Variants in ZBTB20 observed in about 807,000 individuals in gnomAD.
The protein encoded by ZBTB20 is zinc finger and BTB domain-containing protein 20.
A neutral mutation model predicts 56.9 loss-of-function variants in ZBTB20; 9 were observed. The ratio of observed to expected loss-of-function variants is 0.16; its 90% CI spans 0.10 to 0.28. The LOEUF (loss-of-function observed/expected upper bound fraction) is 0.28, where lower values mean the gene tolerates loss of function less well. Among genes scored for constraint, ZBTB20 ranks in the 10% least tolerant of loss-of-function variants. ZBTB20 has a pLI of 1.00. For missense variants in ZBTB20, 655 were observed against 1,003.0 expected (o/e 0.65, Z 4.69); for synonymous variants, 417 against 420.7 (o/e 0.99, Z 0.11).
intron 5 of ZBTB20, among the ~76,000 whole-genome samples, chr3:114,796,373 A>T (rs2071344450): frequency 1.3e-5 from 2 of 152,010 alleles, no homozygotes. Context: ...GGTGACAATT[A>T]ACTAAGAAAT....
intron 1 of ZBTB20, among the ~76,000 whole-genome samples, chr3:115,146,737 G>A (rs1036176662): frequency 2.6e-5 from 4 of 152,204 alleles, no homozygotes; most frequent in Non-Finnish European, 2.9e-5. Context: ...GGGCGAGGAG[G>A]GAGGGGGCAG....
chr3:114,861,417 TA>T (rs1349554438), intron 4 of ZBTB20, among the ~76,000 whole-genome samples: 1 of 152,170 alleles, frequency 6.6e-6, no homozygotes, highest in Non-Finnish European at 1.5e-5. Flanking sequence ...AAATAATACT[TA>T]AAATTTAAAA....
intron 1 of ZBTB20, among the ~76,000 whole-genome samples, chr3:115,093,818 T>C (rs377461694): frequency 6.6e-5 from 10 of 152,184 alleles, no homozygotes; most frequent in Admixed American, 6.6e-4. Context: ...CTTTTTCTTC[T>C]ATGATCTTCT....
At chr3:114,517,659 C>T (rs2046164178) in intron 6 of ZBTB20, among the ~76,000 whole-genome samples, 1 of 151,914 alleles carries the variant, frequency 6.6e-6, no homozygotes, top group Non-Finnish European at 1.5e-5. Flanking sequence ...TCACTGCACC[C>T]TCTGCCTCCC....
chr3:114,523,627 G>A (rs1013712011), intron 6 of ZBTB20, among the ~76,000 whole-genome samples: 3 of 152,138 alleles, frequency 2.0e-5, no homozygotes, highest in Admixed American at 2.0e-4. Context: ...CTGAGCCAAG[G>A]GTACACAGAG....
intron 4 of ZBTB20, among the ~76,000 whole-genome samples, chr3:114,883,621 A>C (rs1264796906): frequency 6.6e-6 from 1 of 152,180 alleles, no homozygotes; most frequent in Admixed American, 6.5e-5. Context: ...AGTAATATCC[A>C]TCTTGTTTTT....
intron 7 of ZBTB20, among the ~76,000 whole-genome samples, chr3:114,427,821 C>T (rs1476135811): frequency 6.6e-6 from 1 of 152,110 alleles, no homozygotes; most frequent in African/African-American, 2.4e-5. Context: ...TGATTGTTAA[C>T]AGAGGTAAAG....
intron 5 of ZBTB20, among the ~76,000 whole-genome samples, chr3:114,711,229 C>G (rs2064055945): frequency 6.6e-6 from 1 of 152,040 alleles, no homozygotes; most frequent in Admixed American, 6.6e-5. Context: ...GGCTGTCTCT[C>G]CTTCCACTAT....
chr3:114,477,648 A>G (rs1269278679), intron 7 of ZBTB20, among the ~76,000 whole-genome samples: 6 of 151,086 alleles, frequency 4.0e-5, no homozygotes, highest in African/African-American at 1.5e-4. Flanking sequence ...GGCGCCCAAC[A>G]CCACGCCTGG....
chr3:114,709,942 C>T (rs992357716), intron 5 of ZBTB20, among the ~76,000 whole-genome samples: 2 of 152,128 alleles, frequency 1.3e-5, no homozygotes, highest in Non-Finnish European at 2.9e-5. Context: ...GCCCTGACTG[C>T]TCCTTACTAC....
At chr3:115,115,678 T>C (rs1250498771) in intron 1 of ZBTB20, among the ~76,000 whole-genome samples, 2 of 152,068 alleles carry the variant, frequency 1.3e-5, no homozygotes, top group Non-Finnish European at 2.9e-5. Context: ...GAACAGTGTT[T>C]CCAATGGTAA....
chr3:114,881,797 A>C (rs1371873310), intron 4 of ZBTB20, among the ~76,000 whole-genome samples: 1 of 151,842 alleles, frequency 6.6e-6, no homozygotes, highest in Non-Finnish European at 1.5e-5. Context: ...GAATTAAAAA[A>C]ATTGGTGCTT....
intron 4 of ZBTB20, among the ~76,000 whole-genome samples, chr3:114,897,846 A>G (rs1371906231): frequency 1.3e-5 from 2 of 152,246 alleles, no homozygotes; most frequent in African/African-American, 4.8e-5. Context: ...AGCCTAAACA[A>G]AAGGTTTTAA....
chr3:114,795,134 G>C (rs891437682), intron 5 of ZBTB20, among the ~76,000 whole-genome samples: 1 of 152,054 alleles, frequency 6.6e-6, no homozygotes, highest in Non-Finnish European at 1.5e-5. Context: ...GTTTATGCAA[G>C]TGAGAAATAT....
intron 4 of ZBTB20, among the ~76,000 whole-genome samples, chr3:114,825,328 T>C (rs2073469061): frequency 1.3e-5 from 2 of 151,980 alleles, no homozygotes; most frequent in African/African-American, 2.4e-5. Context: ...CTGAGTTAAG[T>C]AGGGTTCTAC....
chr3:114,805,241 A>AATT (rs1284286209), intron 4 of ZBTB20, among the ~76,000 whole-genome samples: 1 of 151,864 alleles, frequency 6.6e-6, no homozygotes, highest in Admixed American at 6.6e-5. Context: ...AGATGTCACC[A>AATT]ATTTTTCCAT....
intron 7 of ZBTB20, among the ~76,000 whole-genome samples, chr3:114,402,407 A>AGAAGAG (rs2086904156): frequency 1.3e-5 from 2 of 152,200 alleles, no homozygotes; most frequent in South Asian, 4.1e-4. Flanking sequence ...AAAAGAGAGA[A>AGAAGAG]GAAGAGGAAG....
chr3:114,720,083 T>A (rs188874354), intron 5 of ZBTB20, among the ~76,000 whole-genome samples: 21 of 149,448 alleles, frequency 1.4e-4, no homozygotes, highest in Admixed American at 1.3e-3. Context: ...ATAATATATA[T>A]AATGTATATA....
In ZBTB20 at chr3:114,719,327, A is replaced by G. The variant is rs544240391; in HGVS notation, c.-342-25752T>C. Among the ~76,000 whole-genome samples the G allele has an allele frequency of 1.5e-4, 23 of 152,266 alleles. No homozygotes were observed. The South Asian group carries it at 3.7e-3, about 25-fold the overall frequency. ...ATATGAATCCATTGATAATGGCCAC[A>G]GGAATTCAGGTGCAATAAAGGTTTG... On this transcript the variant is annotated intron_variant, in intron 5 of 11. Coordinates refer to ENST00000675478, the MANE Select transcript of ZBTB20 (RefSeq NM_001348800.3).
Sources: gnomAD v4.1 joint callset for allele counts (sites outside exome capture counted in the v4.1 genomes callset) on GRCh38, gnomAD v4.1.1 for gene constraint, MANE v1.5 for transcripts, NCBI Gene and HGNC (gene_info 2026-07-23, HGNC 2026-07-21) for gene names.